COPG2: variants seen among roughly 807,000 people sequenced by gnomAD.
The protein encoded by COPG2 is coatomer subunit gamma-2.
Under a neutral mutation model 46.3 loss-of-function variants are expected in COPG2, and 37 were observed. The observed-to-expected ratio is 0.80, with a 90% CI of 0.61 to 1.05. The LOEUF is 1.05. Ranked by LOEUF, COPG2 falls within the 50% of genes least tolerant of loss-of-function variation. The pLI is 0.00. For synonymous variants in COPG2, 159 were observed against 129.7 expected, an observed-to-expected ratio of 1.23 and a Z score of -1.53; for missense variants, 427 against 387.8, an observed-to-expected ratio of 1.10 and a Z score of -0.85.
intron 20 of COPG2, chr7:130,511,105 G>C: frequency 2.4e-6 from 1 of 413,390 alleles, no homozygotes; most frequent in Non-Finnish European, 4.8e-6. Context: ...AGACAGGAGA[G>C]GGACATGTGA....
intron 20 of COPG2, among the ~76,000 whole-genome samples, chr7:130,524,925 C>G (rs1004705828): frequency 1.3e-5 from 2 of 152,056 alleles, no homozygotes; most frequent in Non-Finnish European, 2.9e-5. Flanking sequence ...GGACTCAGTA[C>G]AGCATGCTGG....
chr7:130,593,564 A>T lies in COPG2; in HGVS notation c.737+17389T>A, dbSNP rs551530022. 6.4e-4 allele frequency among the ~76,000 whole-genome samples: 98 copies of T among 152,370 alleles called. 1 individual carries two copies. The highest frequency in any genetic ancestry group is 2.3e-3 in the African/African-American group (95 of 41,598). On this transcript the variant is annotated intron_variant, in intron 9 of 23. Transcript: ENST00000425248. ...TATAATAAGGTGGAGTGTTGCTGGC[A>T]CATAAACAGAAATAAAAAGCAGTGG...
intron 20 of COPG2, among the ~76,000 whole-genome samples, chr7:130,533,234 G>GA (rs1799846153): frequency 6.6e-6 from 1 of 151,892 alleles, no homozygotes; most frequent in African/African-American, 2.4e-5. Flanking sequence ...AATGAATGGA[G>GA]GTGTAGCTTG....
intron 3 of COPG2, among the ~76,000 whole-genome samples, chr7:130,665,436 T>A (rs564102695): frequency 1.2e-4 from 18 of 152,290 alleles, no homozygotes; most frequent in African/African-American, 4.3e-4. Context: ...CCATGAGTTC[T>A]GAATCTGTGG....
intron 12 of COPG2, among the ~76,000 whole-genome samples, chr7:130,555,969 T>C (rs1356405798): frequency 9.2e-5 from 14 of 152,198 alleles, no homozygotes; most frequent in Non-Finnish European, 1.8e-4. Context: ...AAGAGACTCC[T>C]GGCTCAGCGA....
intron 9 of COPG2, among the ~76,000 whole-genome samples, chr7:130,565,580 T>A (rs924906661): frequency 2.6e-5 from 4 of 152,174 alleles, no homozygotes; most frequent in African/African-American, 7.2e-5. Flanking sequence ...AAGTAGTCAA[T>A]AGAATTTATT....
chr7:130,636,189 G>C (rs1795333229), intron 5 of COPG2, among the ~76,000 whole-genome samples: 1 of 152,154 alleles, frequency 6.6e-6, no homozygotes, highest in Admixed American at 6.6e-5. Context: ...GTTGATTTGG[G>C]GTGGAGAGTT....
At chr7:130,528,073 G>A (rs1799790638) in intron 20 of COPG2, among the ~76,000 whole-genome samples, 1 of 152,026 alleles carries the variant, frequency 6.6e-6, no homozygotes, top group African/African-American at 2.4e-5. Flanking sequence ...TGCTAAGGAG[G>A]GAGGAGGCAG....
At chr7:130,623,953 A>G (rs551106249) in intron 5 of COPG2, among the ~76,000 whole-genome samples, 4 of 152,326 alleles carry the variant, frequency 2.6e-5, no homozygotes, top group Admixed American at 2.6e-4. Context: ...ATTACAGACT[A>G]GGTTTCTTAT....
At chr7:130,643,782 A>G (rs1554457670) in intron 5 of COPG2, among the ~76,000 whole-genome samples, 1 of 152,096 alleles carries the variant, frequency 6.6e-6, no homozygotes, top group African/African-American at 2.4e-5. Flanking sequence ...GCAACATAAC[A>G]AGACCCCATC....
chr7:130,583,143 T>C (rs1794187474), intron 9 of COPG2, among the ~76,000 whole-genome samples: 1 of 151,442 alleles, frequency 6.6e-6, no homozygotes, highest in African/African-American at 2.4e-5. Context: ...GTGGCCCATA[T>C]ACACCATGGA....
intron 5 of COPG2, among the ~76,000 whole-genome samples, chr7:130,639,095 A>G (rs1284756105): frequency 6.6e-6 from 1 of 151,856 alleles, no homozygotes; most frequent in Non-Finnish European, 1.5e-5. Flanking sequence ...AGAGCCGGGT[A>G]CCTCGGTTGG....
chr7:130,579,437 C>G (rs1448770898), intron 9 of COPG2, among the ~76,000 whole-genome samples: 5 of 150,552 alleles, frequency 3.3e-5, no homozygotes, highest in African/African-American at 1.2e-4. Context: ...GAAACTGCAT[C>G]AACTAACAAG....
intron 5 of COPG2, among the ~76,000 whole-genome samples, chr7:130,640,572 AG>A (rs1476304848): frequency 6.6e-6 from 1 of 152,172 alleles, no homozygotes; most frequent in Non-Finnish European, 1.5e-5. Context: ...GCTTTAGAGA[AG>A]GAAGTTTTGA....
intron 5 of COPG2, among the ~76,000 whole-genome samples, chr7:130,631,217 G>A (rs1190632478): frequency 7.0e-6 from 1 of 143,070 alleles, no homozygotes; most frequent in Non-Finnish European, 1.5e-5. Context: ...TGTCACCCAG[G>A]CTGGAGTGCA....
chr7:130,571,157 C>T (rs1221489430), intron 9 of COPG2, among the ~76,000 whole-genome samples: 2 of 152,148 alleles, frequency 1.3e-5, no homozygotes, highest in Admixed American at 6.5e-5. Context: ...TGACCAAGAA[C>T]CCAAAAGCAA....
intron 20 of COPG2, among the ~76,000 whole-genome samples, chr7:130,523,773 AC>A (rs1799748435): frequency 7.2e-6 from 1 of 138,936 alleles, no homozygotes; most frequent in South Asian, 2.3e-4. Flanking sequence ...ATCTGTTGTC[AC>A]GGGGAGGAAA....
chr7:130,623,872 T>C (rs782664580), intron 5 of COPG2, among the ~76,000 whole-genome samples: 1 of 152,216 alleles, frequency 6.6e-6, no homozygotes, highest in Non-Finnish European at 1.5e-5. Context: ...ACAAGGTATC[T>C]TTATATTTGT....
chr7:130,620,891 A>G (rs1795028153), intron 5 of COPG2, among the ~76,000 whole-genome samples: 2 of 152,236 alleles, frequency 1.3e-5, no homozygotes, highest in Non-Finnish European at 2.9e-5. Flanking sequence ...GTGGTAAGCT[A>G]AACAACAGCC....
Sources: allele counts gnomAD v4.1 joint callset (sites outside exome capture counted in the v4.1 genomes callset), GRCh38; gene constraint gnomAD v4.1.1; transcripts MANE v1.5; gene names NCBI Gene and HGNC (gene_info 2026-07-23, HGNC 2026-07-21).